The following GRM3 variants were observed in gnomAD, a reference collection of about 807,000 sequenced individuals.
The protein encoded by GRM3 is metabotropic glutamate receptor 3.
Under a neutral mutation model 70.5 loss-of-function variants are expected in GRM3, and 26 were observed. The ratio of observed to expected loss-of-function variants is 0.37; its 90% confidence interval spans 0.27 to 0.51. The LOEUF (loss-of-function observed/expected upper bound fraction) is 0.51. Ranked by LOEUF, GRM3 falls within the 20% of genes least tolerant of loss-of-function variation. The pLI, the probability that GRM3 is intolerant of heterozygous loss-of-function variation, is 0.93. For missense variants in GRM3, 859 were observed against 1,123.8 expected (o/e 0.76, Z 3.37); for synonymous variants, 443 against 434.9 (o/e 1.02, Z -0.23).
chr7:86,671,824 C>G (rs897645235), intron 1 of GRM3, among the ~76,000 whole-genome samples: 2 of 152,140 alleles, frequency 1.3e-5, no homozygotes, highest in Non-Finnish European at 1.5e-5. Context: ...TTATCTGAAC[C>G]ATACTTCTAC....
At chr7:86,693,370 T>C (rs802456) in intron 1 of GRM3, among the ~76,000 whole-genome samples, 109,177 of 152,102 alleles carry the variant, frequency 0.72, 39,964 homozygotes, top group East Asian at 0.88. Flanking sequence ...TGCTGCTCCC[T>C]AATGCCTCCC....
In GRM3 at chr7:86,733,800, G is replaced by T. The variant is rs562150888; in HGVS notation, c.-140-31206G>T. On this transcript the variant is annotated intron_variant, in intron 1 of 5. Coordinates refer to ENST00000361669, the MANE Select transcript of GRM3 (RefSeq NM_000840.3). The stretch of plus-strand genomic sequence containing the variant: ...GCGAGCCTAGGTGCAAGTGAACCCA[G>T]ACAACAGCCTGGGCACAGGCCATAT... Among the ~76,000 whole-genome samples the T allele has an allele frequency of 4.2e-4, 64 of 152,170 alleles. No individual in the cohort carries two copies. The Middle Eastern group carries it at 0.01, about 24-fold the overall frequency.
At chr7:86,770,193 A>G (rs929232665) in intron 2 of GRM3, among the ~76,000 whole-genome samples, 2 of 152,174 alleles carry the variant, frequency 1.3e-5, no homozygotes, top group African/African-American at 4.8e-5. Context: ...AGCAAATTTT[A>G]ATTAGAACAT....
At chr7:86,820,951 C>T (rs1251682940) in intron 3 of GRM3, among the ~76,000 whole-genome samples, 1 of 152,138 alleles carries the variant, frequency 6.6e-6, no homozygotes. Flanking sequence ...TTCTTTCTTA[C>T]TTCAAAGCCA....
At chr7:86,859,463 A>G (rs1798913135) in intron 5 of GRM3, among the ~76,000 whole-genome samples, 1 of 152,200 alleles carries the variant, frequency 6.6e-6, no homozygotes, top group African/African-American at 2.4e-5. Context: ...AAGAAAACAG[A>G]TTCAATGACA....
At position 86,819,220 on chromosome 7, in the gene GRM3, T is replaced by TTG. The variant is rs532949030; in HGVS notation, c.1325-19608_1325-19607dup. On this transcript the variant is annotated intron_variant, in intron 3 of 5. Coordinates refer to ENST00000361669, the MANE Select transcript of GRM3 (RefSeq NM_000840.3). ...AATAACCAACATTGTTTGTATGTCT[T>TTG]TGTGTGTGTGTGGTAAGCCATAAAT... 8.2e-4 allele frequency among the ~76,000 whole-genome samples: 124 copies of TTG among 152,138 alleles called. 1 individual carries two copies. Among genetic ancestry groups the TTG allele is most frequent in the African/African-American group, 2.9e-3 (121 of 41,534 alleles).
chr7:86,710,267 T>C (rs1423143692), intron 1 of GRM3: 1 of 152,018 alleles, frequency 6.6e-6, no homozygotes, highest in Non-Finnish European at 1.5e-5. Flanking sequence ...TTTAGTTAGT[T>C]AAATTTAAAA....
intron 1 of GRM3, among the ~76,000 whole-genome samples, chr7:86,739,597 T>C (rs1795939866): frequency 6.6e-6 from 1 of 152,198 alleles, no homozygotes; most frequent in South Asian, 2.1e-4. Flanking sequence ...AGCTGGGAAC[T>C]TTCTGGAAAG....
chr7:86,714,514 A>G (rs1230614360), intron 1 of GRM3, among the ~76,000 whole-genome samples: 1 of 151,986 alleles, frequency 6.6e-6, no homozygotes, highest in Non-Finnish European at 1.5e-5. Context: ...AGTTAATAAA[A>G]CAATGGAGCC....
chr7:86,691,374 T>A (rs1333474324), intron 1 of GRM3, among the ~76,000 whole-genome samples: 1 of 152,094 alleles, frequency 6.6e-6, no homozygotes, highest in Non-Finnish European at 1.5e-5. Flanking sequence ...TGTCAAAGCA[T>A]ATAATTTCCT....
chr7:86,863,783 G>T (rs1799005103), intron 5 of GRM3, among the ~76,000 whole-genome samples: 1 of 152,084 alleles, frequency 6.6e-6, no homozygotes, highest in African/African-American at 2.4e-5. Flanking sequence ...TTTGCACATT[G>T]TATTTAAACC....
intron 1 of GRM3, among the ~76,000 whole-genome samples, chr7:86,749,611 C>T (rs1796183855): frequency 6.6e-6 from 1 of 151,982 alleles, no homozygotes; most frequent in South Asian, 2.1e-4. Flanking sequence ...AGGATCATTT[C>T]TAAGTGTCGT....
intron 1 of GRM3, among the ~76,000 whole-genome samples, chr7:86,760,576 C>A (rs1430353684): frequency 6.6e-6 from 1 of 152,058 alleles, no homozygotes; most frequent in Non-Finnish European, 1.5e-5. Context: ...GGTGCCCTTT[C>A]ACACAATCCG....
At position 86,786,252 on chromosome 7, in the gene GRM3, C is replaced by G; in HGVS notation, c.469-9C>G. 1 of 1,602,436 alleles carries G rather than the reference C, an allele frequency of 6.2e-7. No individual in the cohort carries two copies. The highest frequency in any genetic ancestry group is 2.2e-5 in the East Asian group (1 of 44,728). On this transcript the variant is annotated splice_polypyrimidine_tract_variant and intron_variant, in intron 2 of 5. Transcript: ENST00000361669. The surrounding 1 kb of genome is among the most constrained non-coding windows in gnomAD (Gnocchi z 6.0). ...TTTCTAACAAAGGTCCTTCTTCTCC[C>G]TCCCCTAGGTGGCAAACCTGCTGCG...
intron 1 of GRM3, among the ~76,000 whole-genome samples, chr7:86,763,518 T>C (rs181786836): frequency 6.6e-6 from 1 of 151,976 alleles, no homozygotes; most frequent in East Asian, 1.9e-4. Context: ...CACACCAGAG[T>C]TTTGGAAAGC....
chr7:86,793,130 A>G (rs925078147), intron 3 of GRM3, among the ~76,000 whole-genome samples: 1 of 147,548 alleles, frequency 6.8e-6, no homozygotes, highest in African/African-American at 2.5e-5. Flanking sequence ...AATTCTCTAC[A>G]CCTGGAAGAG....
At chr7:86,690,505 G>A (rs776694353) in intron 1 of GRM3, among the ~76,000 whole-genome samples, 1 of 152,124 alleles carries the variant, frequency 6.6e-6, no homozygotes, top group Non-Finnish European at 1.5e-5. Flanking sequence ...TGCTTGCCTG[G>A]ACTGGAGTGA....
intron 1 of GRM3, among the ~76,000 whole-genome samples, chr7:86,669,941 G>A (rs1794129320): frequency 6.6e-6 from 1 of 152,058 alleles, no homozygotes; most frequent in Non-Finnish European, 1.5e-5. Flanking sequence ...TCCTAGATCA[G>A]CAACACATTC....
At chr7:86,849,838 C>A (rs1798724787) in intron 4 of GRM3, among the ~76,000 whole-genome samples, 1 of 152,084 alleles carries the variant, frequency 6.6e-6, no homozygotes, top group Non-Finnish European at 1.5e-5. Flanking sequence ...CAGAAGAAAG[C>A]TGACAGTGAT....
Sources: allele counts gnomAD v4.1 joint callset (sites outside exome capture counted in the v4.1 genomes callset), GRCh38; gene constraint gnomAD v4.1.1; non-coding constraint Gnocchi (gnomAD v3.1); transcripts MANE v1.5; gene names NCBI Gene and HGNC (gene_info 2026-07-23, HGNC 2026-07-21).